Variants in PLBD2 observed in about 807,000 individuals in gnomAD.
The protein encoded by PLBD2 is phospholipase B domain containing 2, also known as putative aminopeptidase PLBD2.
In PLBD2, 51 loss-of-function variants were observed where a neutral mutation model predicts 68.3. The observed-to-expected ratio is 0.75, with a 90% CI of 0.60 to 0.94. PLBD2 has a LOEUF of 0.94. Among genes scored for constraint, PLBD2 ranks in the 40% least tolerant of loss-of-function variants. PLBD2 has a pLI of 0.00. For synonymous variants in PLBD2, 314 were observed against 339.3 expected (o/e 0.93, Z 0.82); for missense variants, 729 against 792.2 (o/e 0.92, Z 0.96).
chr12:113,369,887 A>G lies in PLBD2; in HGVS notation c.384+678A>G, dbSNP rs144034131. Among the ~76,000 whole-genome samples, 19 of 152,002 alleles carry G rather than the reference A, an allele frequency of 1.2e-4. No individual in the cohort carries two copies. In the East Asian group the frequency reaches 3.7e-3, roughly 29 times the overall value. ...AGTTGCACAACCTTATGAATACATT[A>G]AAAACCATGAATTGTACTTTTTTTT... On this transcript the variant is annotated intron_variant, in intron 2 of 11. Transcript: ENST00000280800.
chr12:113,385,617 T>G (rs1003484347), intron 9 of PLBD2, among the ~76,000 whole-genome samples: 1 of 152,222 alleles, frequency 6.6e-6, no homozygotes, highest in African/African-American at 2.4e-5. Flanking sequence ...CATTTTCTCA[T>G]TTGACTCTTA....
chr12:113,362,330 TAAAA>T, intron 1 of PLBD2, among the ~76,000 whole-genome samples: 1 of 124,012 alleles, frequency 8.1e-6, no homozygotes, highest in Non-Finnish European at 1.8e-5. Context: ...CTGTCTCAAA[TAAAA>T]AAAAAAAAAG....
rs544860427 is a variant in PLBD2 at position 113,384,469 on chromosome 12, C to T, written c.1118+204C>T. Among the ~76,000 whole-genome samples, 5 of 152,090 alleles carry T rather than the reference C, an allele frequency of 3.3e-5. No individual in the cohort carries two copies. Among genetic ancestry groups the T allele is most frequent in the Non-Finnish European group, 7.4e-5 (5 of 68,022 alleles). On this transcript the variant is annotated intron_variant, in intron 7 of 11. Transcript: ENST00000280800. This position sits in a 1 kb window ranked among gnomAD's most constrained non-coding sequence, Gnocchi z 4.2. ...AGGCTCCTCAGCCTAGGAAGGGGTGCCTTGGTGGCAGTACAGGAAGAGCAC... is the reference window on the plus strand; with the variant it reads ...AGGCTCCTCAGCCTAGGAAGGGGTGTCTTGGTGGCAGTACAGGAAGAGCAC...
In PLBD2 at chr12:113,387,081, G is replaced by T; in HGVS notation, c.1431G>T (p.Arg477Ser). The stretch of plus-strand genomic sequence containing the variant: ...TACAAGACATGGACTCCATGGTCAG[G>T]CTGATGAGGTAGGTGCCAGTTGGGT... ...SLVQDMDSMV[R>S]LMRYNDFLHD... The change falls in exon 10 of 12, where the codon AGG becomes AGT. Residue 477 changes from arginine (R) to serine (S), a missense_variant. Coordinates refer to ENST00000280800, the MANE Select transcript of PLBD2 (RefSeq NM_173542.4). The T allele has an allele frequency of 6.3e-7, 1 of 1,589,720 alleles. No homozygotes were observed. Among genetic ancestry groups the T allele is most frequent in the Non-Finnish European group, 8.6e-7 (1 of 1,168,544 alleles).
In PLBD2 at chr12:113,358,806, C is replaced by T; in HGVS notation, c.206C>T (p.Ser69Leu). The T allele has an allele frequency of 6.7e-7, 1 of 1,491,882 alleles. No individual in the cohort carries two copies. The highest frequency in any genetic ancestry group is 8.9e-7 in the Non-Finnish European group (1 of 1,124,172). 92.4% of individuals were successfully genotyped at this position (1,491,882 alleles called of 1,614,324 possible). A position where few individuals can be genotyped will look rare whatever the true frequency, so the allele number is the denominator to read the frequency against. Reference sequence around the variant, plus strand: ...AGCCGCTCGGTGCTCCTGGACGTCTCGGCGGGCCAGCTGCTTATGGTGGAC... The same window carrying T: ...AGCCGCTCGGTGCTCCTGGACGTCTTGGCGGGCCAGCTGCTTATGGTGGAC... ...SRSRSVLLDV[S>L]AGQLLMVDGR... The change falls in exon 1 of 12, where the codon TCG becomes TTG. Residue 69 changes from serine (S) to leucine (L), a missense_variant. Coordinates refer to ENST00000280800, the MANE Select transcript of PLBD2 (RefSeq NM_173542.4).
In PLBD2 at chr12:113,390,290, C is replaced by T. The variant is rs1485993107; in HGVS notation, c.*1664C>T. The T allele has an allele frequency of 2.0e-5, 3 of 151,790 alleles. No individual in the cohort carries two copies. Among genetic ancestry groups the T allele is most frequent in the Non-Finnish European group, 2.9e-5 (2 of 67,920 alleles). 9.4% of individuals were successfully genotyped at this position (151,790 alleles called of 1,614,324 possible). On this transcript the variant is annotated 3_prime_UTR_variant, in exon 12 of 12. Transcript: ENST00000280800. ...CCCACCCAATCATCTACCCACTCAC[C>T]TATCCACCCATCCACCTACCTATTT...
At position 113,376,259 on chromosome 12, in the gene PLBD2, G is replaced by A. The variant is rs144806163; in HGVS notation, c.859+1252G>A. On this transcript the variant is annotated intron_variant, in intron 5 of 11. Coordinates refer to ENST00000280800, the MANE Select transcript of PLBD2 (RefSeq NM_173542.4). ...GCTCACTGTGACCTCTGCCTCCTGG[G>A]TTCAAGTGATTCTCCTGCCTCAGCC... Among the ~76,000 whole-genome samples the A allele has an allele frequency of 9.8e-3, 1,486 of 151,370 alleles. 16 individuals carry two copies. Among genetic ancestry groups the A allele is most frequent in the Non-Finnish European group, 0.014 (975 of 67,908 alleles).
At chr12:113,376,537 A>G (rs760085877) in intron 5 of PLBD2, among the ~76,000 whole-genome samples, 11 of 152,200 alleles carry the variant, frequency 7.2e-5, no homozygotes, top group Non-Finnish European at 1.2e-4. Context: ...AGGCTCCACC[A>G]TTTGCTATGA....
chr12:113,370,058 C>G (rs1401949458), intron 2 of PLBD2, among the ~76,000 whole-genome samples: 2 of 152,040 alleles, frequency 1.3e-5, no homozygotes, highest in East Asian at 1.9e-4. Context: ...CACAACCATG[C>G]CCACCTAATT....
Position 113,384,443 on chromosome 12 carries a change from C to T in PLBD2, c.1118+178C>T, listed in dbSNP as rs1957529280. On this transcript the variant is annotated intron_variant, in intron 7 of 11. Coordinates refer to ENST00000280800, the MANE Select transcript of PLBD2 (RefSeq NM_173542.4). This position sits in a 1 kb window ranked among gnomAD's most constrained non-coding sequence, Gnocchi z 4.2. ...AAGGAAAGGATTTGCCCCTCCCCTG[C>T]AGGCTCCTCAGCCTAGGAAGGGGTG... Among the ~76,000 whole-genome samples, 1 of 152,202 alleles carries T rather than the reference C, an allele frequency of 6.6e-6. No individual in the cohort carries two copies. Among genetic ancestry groups the T allele is most frequent in the African/African-American group, 2.4e-5 (1 of 41,458 alleles).
Position 113,374,949 on chromosome 12 carries a change from C to G in PLBD2, c.801C>G (p.Tyr267Ter), listed in dbSNP as rs754748249. Residue 267 changes from tyrosine to a stop codon, truncating the protein, a stop_gained, in exon 5 of 12, where the codon TAC (tyrosine) becomes TAG (stop). Coordinates refer to ENST00000280800, the MANE Select transcript of PLBD2 (RefSeq NM_173542.4). LOFTEE classifies it high-confidence loss of function. ...LLVAHNTWNN[Y>*]QHMLRVIKKY... ...TTGCCCACAACACCTGGAACAACTA[C>G]CAGCACATGCTGCGTGTCATCAAGA... The G allele has an allele frequency of 6.2e-7, 1 of 1,614,162 alleles. No homozygotes were observed. The highest frequency in any genetic ancestry group is 1.1e-5 in the South Asian group (1 of 91,082).
intron 6 of PLBD2, among the ~76,000 whole-genome samples, 176 bp downstream of exon 6, chr12:113,381,018 C>A (rs1240249236): frequency 2.0e-5 from 3 of 152,132 alleles, no homozygotes; most frequent in African/African-American, 4.8e-5. Flanking sequence ...ACCTGCCATT[C>A]AGAGCCCAGA....
At chr12:113,361,372 C>T (rs1262577800) in intron 1 of PLBD2, among the ~76,000 whole-genome samples, 6 of 142,696 alleles carry the variant, frequency 4.2e-5, no homozygotes, top group Non-Finnish European at 6.0e-5. Flanking sequence ...CAGGGTCTCC[C>T]TGTGTTATCC....
chr12:113,368,660 G>C (rs953100457), intron 1 of PLBD2, among the ~76,000 whole-genome samples: 1 of 152,186 alleles, frequency 6.6e-6, no homozygotes, highest in African/African-American at 2.4e-5. Context: ...TGGACATGGG[G>C]GTGGGGATGG....
Position 113,387,874 on chromosome 12 carries a change from C to A in PLBD2, c.1570C>A (p.Arg524Ser). The A allele has an allele frequency of 6.2e-7, 1 of 1,614,092 alleles. No homozygotes were observed. Among genetic ancestry groups the A allele is most frequent in the Non-Finnish European group, 8.5e-7 (1 of 1,179,984 alleles). The change falls in exon 11 of 12, where the codon CGT (arginine) becomes AGT (serine). Residue 524 changes from arginine (R) to serine (S), a missense_variant. Transcript: ENST00000280800. ...ANGSYPFQAL[R>S]QRSHGGIDVK... ...TGGCTCCTACCCCTTCCAGGCCCTG[C>A]GTCAGCGCTCCCATGGGGGTATCGA...
chr12:113,388,755 A>C lies in PLBD2; in HGVS notation c.*129A>C. 2 of 1,045,052 alleles carry C rather than the reference A, an allele frequency of 1.9e-6. No individual in the cohort carries two copies. Among genetic ancestry groups the C allele is most frequent in the Non-Finnish European group, 1.3e-6 (1 of 752,708 alleles). 64.7% of individuals were successfully genotyped at this position (1,045,052 alleles called of 1,614,324 possible). ...CGTTCTCTGATCTGGGGTCTGAGTCATCTCCTCCTAGAGTGGGTCACGAAC... is the reference window on the plus strand; with the variant it reads ...CGTTCTCTGATCTGGGGTCTGAGTCCTCTCCTCCTAGAGTGGGTCACGAAC... On this transcript the variant is annotated 3_prime_UTR_variant, in exon 12 of 12. Coordinates refer to ENST00000280800, the MANE Select transcript of PLBD2 (RefSeq NM_173542.4).
At position 113,384,032 on chromosome 12, in the gene PLBD2, A is replaced by C; in HGVS notation, c.958-73A>C. The C allele has an allele frequency of 2.3e-5, 27 of 1,175,298 alleles. No individual in the cohort carries two copies. Among genetic ancestry groups the C allele is most frequent in the Non-Finnish European group, 3.0e-5 (26 of 873,880 alleles). 72.8% of individuals were successfully genotyped at this position (1,175,298 alleles called of 1,614,324 possible). On this transcript the variant is annotated intron_variant, in intron 6 of 11. Transcript: ENST00000280800. This position sits in a 1 kb window ranked among gnomAD's most constrained non-coding sequence, Gnocchi z 4.2. ...AAAAAAAAAAAAAATTTTTGGAGCC[A>C]TGACTGATGAAGTACTGCCACTTGG... is the stretch of plus-strand genomic sequence containing the variant.
At chr12:113,383,007 A>G (rs1329298571) in intron 6 of PLBD2, among the ~76,000 whole-genome samples, 1 of 151,268 alleles carries the variant, frequency 6.6e-6, no homozygotes, top group African/African-American at 2.4e-5. Flanking sequence ...AATAGCTGGG[A>G]TTACATGAGT....
chr12:113,361,327 G>GTTT (rs1365358257), intron 1 of PLBD2, among the ~76,000 whole-genome samples: 271 of 127,798 alleles, frequency 2.1e-3, no homozygotes, highest in South Asian at 5.6e-3. Context: ...TTTAAAAAAG[G>GTTT]TTTTTTTTTT....
Sources: gnomAD v4.1 joint callset for allele counts (sites outside exome capture counted in the v4.1 genomes callset) on GRCh38, gnomAD v4.1.1 for gene constraint, Gnocchi (gnomAD v3.1) non-coding constraint, MANE v1.5 for transcripts, NCBI Gene and HGNC (gene_info 2026-07-23, HGNC 2026-07-21) for gene names.